Variants in SMC4 observed in about 807,000 individuals in gnomAD.
SMC4 encodes the protein structural maintenance of chromosomes 4.
In SMC4, 87 loss-of-function variants were observed where a neutral mutation model predicts 145.6. The ratio of observed to expected loss-of-function variants is 0.60; its 90% CI spans 0.50 to 0.71. The LOEUF is 0.71. SMC4 is among the 30% of genes least tolerant of loss of function. The probability of loss-of-function intolerance (pLI) is 0.00; values close to 1 mark genes in which losing one functional copy is unlikely to be tolerated. For synonymous variants in SMC4, 558 were observed against 500.7 expected (o/e 1.11, Z -1.53); for missense variants, 1,447 against 1,537.1 (o/e 0.94, Z 0.98).
intron 18 of SMC4, among the ~76,000 whole-genome samples, chr3:160,429,917 A>G (rs1718207276): frequency 1.3e-5 from 2 of 151,568 alleles, no homozygotes; most frequent in South Asian, 2.1e-4. Flanking sequence ...GGGTTTCACC[A>G]TGTTGGTCAG....
At chr3:160,428,569 T>C (rs113897864) in intron 17 of SMC4, among the ~76,000 whole-genome samples, 184 bp from the exon 18 acceptor site, 3 of 152,320 alleles carry the variant, frequency 2.0e-5, no homozygotes, top group African/African-American at 7.2e-5. Flanking sequence ...ACTTTGTGCA[T>C]TGTTGTAACA....
At chr3:160,401,159 C>T (rs1367264976) in intron 2 of SMC4, among the ~76,000 whole-genome samples, 194 bp downstream of exon 2, 2 of 151,924 alleles carry the variant, frequency 1.3e-5, no homozygotes, top group Non-Finnish European at 2.9e-5. Flanking sequence ...TGTAACGGCG[C>T]TGGAAGGGAT....
At chr3:160,412,587 T>C in intron 7 of SMC4, 134 bp downstream of exon 7, 1 of 1,333,788 alleles carries the variant, frequency 7.5e-7, no homozygotes, top group Non-Finnish European at 9.7e-7. Context: ...TGTGACTGAA[T>C]GTGTTAGCTC....
intron 17 of SMC4, 23 bp from the exon 18 acceptor site, chr3:160,428,730 G>C: frequency 1.3e-6 from 2 of 1,556,374 alleles, no homozygotes; most frequent in South Asian, 2.5e-5. Flanking sequence ...ACACAAATTA[G>C]GTTCTTTATT....
chr3:160,426,759 G>A (rs936047645), intron 17 of SMC4, among the ~76,000 whole-genome samples: 7 of 152,202 alleles, frequency 4.6e-5, no homozygotes, highest in Non-Finnish European at 1.0e-4. Flanking sequence ...CACTTGAGCA[G>A]CTGTGCTTGT....
rs1312872916 is a variant in SMC4 at position 160,434,054 on chromosome 3, G to T, written c.*245G>T. 6.4e-6 allele frequency: 2 copies of T among 313,484 alleles called. No homozygotes were observed. Among genetic ancestry groups the T allele is most frequent in the African/African-American group, 4.4e-5 (2 of 45,310 alleles). 19.4% of individuals were successfully genotyped at this position (313,484 alleles called of 1,614,324 possible). A position where few individuals can be genotyped will look rare whatever the true frequency, so the allele number is the denominator to read the frequency against. Reference sequence around the variant, plus strand: ...AAAAATGAGTTACCTGGAGGGTCAGGTAACTTGCCAAACTAAAAAGTATGT... The same window carrying T: ...AAAAATGAGTTACCTGGAGGGTCAGTTAACTTGCCAAACTAAAAAGTATGT... On this transcript the variant is annotated 3_prime_UTR_variant, in exon 24 of 24. Coordinates refer to ENST00000357388, the MANE Select transcript of SMC4 (RefSeq NM_001002800.3).
At chr3:160,431,912 A>G (rs758724559) in intron 21 of SMC4, 87 bp downstream of exon 21, 24 of 1,391,552 alleles carry the variant, frequency 1.7e-5, no homozygotes, top group Non-Finnish European at 2.3e-5. Flanking sequence ...ATAATTAACA[A>G]TGCTGTTGGC....
At chr3:160,404,251 G>T in intron 4 of SMC4, 77 bp from the exon 5 acceptor site, 1 of 1,338,610 alleles carries the variant, frequency 7.5e-7, no homozygotes. Context: ...GTTTCAGTAT[G>T]AAATGAGTGA....
chr3:160,404,342 T>G lies in SMC4; in HGVS notation c.525T>G (p.Tyr175Ter), dbSNP rs1465597619. The G allele has an allele frequency of 6.2e-7, 1 of 1,604,782 alleles. No individual in the cohort carries two copies. Among genetic ancestry groups the G allele is most frequent in the South Asian group, 1.1e-5 (1 of 88,502 alleles). Residue 175 changes from tyrosine (Y) to a stop codon, truncating the protein, a stop_gained, in exon 5 of 24, where the codon TAT (tyrosine) becomes TAG (stop). Coordinates refer to ENST00000357388, the MANE Select transcript of SMC4 (RefSeq NM_001002800.3). LOFTEE classifies it high-confidence loss of function. ...CCTCAAAACAGGAAGGGGATGATTA[T>G]GAAGTCATTCCTAACAGTAATTTCT... ...QKIIDKEGDD[Y>*]EVIPNSNFYV...
chr3:160,432,692 A>T, intron 22 of SMC4, 177 bp downstream of exon 22: 1 of 539,590 alleles, frequency 1.9e-6, no homozygotes. Flanking sequence ...GCAGACAGCC[A>T]GTATTTACAA....
chr3:160,403,555 C>T (rs951038493), intron 4 of SMC4, among the ~76,000 whole-genome samples: 1 of 151,798 alleles, frequency 6.6e-6, no homozygotes, highest in Non-Finnish European at 1.5e-5. Context: ...CTTTTGAATT[C>T]GTTTTCCTTT....
chr3:160,422,493 G>A (rs1169679133), intron 13 of SMC4, among the ~76,000 whole-genome samples: 1 of 152,104 alleles, frequency 6.6e-6, no homozygotes, highest in Admixed American at 6.5e-5. Flanking sequence ...TATCTTCCTT[G>A]GAGAAATGTC....
chr3:160,425,978 CTT>C, intron 16 of SMC4, 94 bp from the exon 17 acceptor site: 1 of 931,292 alleles, frequency 1.1e-6, no homozygotes. Flanking sequence ...TAGTGTGTGT[CTT>C]TTTCTTGAAG....
rs535807581 is a variant in SMC4 at position 160,427,461 on chromosome 3, A to G, written c.2605+1261A>G. Among the ~76,000 whole-genome samples, 9 of 152,370 alleles carry G rather than the reference A, an allele frequency of 5.9e-5. No individual in the cohort carries two copies. In the South Asian group the frequency reaches 1.7e-3, roughly 28 times the overall value. On this transcript the variant is annotated intron_variant, in intron 17 of 23. Transcript: ENST00000357388. ...TCCCCTTTCCCTGCAAGCACCCACA[A>G]CAATGGCTTTGATGGTACCTGATGG...
chr3:160,402,565 C>T, intron 3 of SMC4, 111 bp from the exon 4 acceptor site: 1 of 1,087,020 alleles, frequency 9.2e-7, no homozygotes, highest in African/African-American at 1.6e-5. Flanking sequence ...CTTTTAAATA[C>T]TTGCAGTTTT....
intron 9 of SMC4, among the ~76,000 whole-genome samples, chr3:160,415,071 C>A (rs1559999057): frequency 6.6e-6 from 1 of 152,146 alleles, no homozygotes; most frequent in South Asian, 2.1e-4. Flanking sequence ...AGCAGGATTT[C>A]CCAAGAATTA....
At chr3:160,421,640 A>G (rs1224774306) in intron 13 of SMC4, among the ~76,000 whole-genome samples, 1 of 152,172 alleles carries the variant, frequency 6.6e-6, no homozygotes, top group Non-Finnish European at 1.5e-5. Flanking sequence ...GCTACTCGGG[A>G]GGCTGAAGCA....
chr3:160,401,098 C>T, intron 2 of SMC4, 133 bp downstream of exon 2: 2 of 1,203,778 alleles, frequency 1.7e-6, no homozygotes, highest in Non-Finnish European at 2.2e-6. Context: ...CCGGTAGAGG[C>T]TCAGGAAAGC....
In SMC4 at chr3:160,431,616, T is replaced by C. The variant is rs762749653; in HGVS notation, c.3115-27T>C. On this transcript the variant is annotated intron_variant, in intron 20 of 23. Transcript: ENST00000357388. Reference sequence around the variant, plus strand: ...ATTGTATGTAATATTATGCCTTCTCTAACTCTCCCCTAAATTGAACTTTTA... The same window carrying C: ...ATTGTATGTAATATTATGCCTTCTCCAACTCTCCCCTAAATTGAACTTTTA... 5 of 1,525,498 alleles carry C rather than the reference T, an allele frequency of 3.3e-6. No individual in the cohort carries two copies. The East Asian group carries it at 9.2e-5, about 28-fold the overall frequency. 94.5% of individuals were successfully genotyped at this position (1,525,498 alleles called of 1,614,324 possible). A position where few individuals can be genotyped will look rare whatever the true frequency, so the allele number is the denominator to read the frequency against.
Sources: gnomAD v4.1 joint callset for allele counts (sites outside exome capture counted in the v4.1 genomes callset) on GRCh38, gnomAD v4.1.1 for gene constraint, MANE v1.5 for transcripts, NCBI Gene and HGNC (gene_info 2026-07-23, HGNC 2026-07-21) for gene names.